Variants in SNW1 observed in about 807,000 individuals in gnomAD.
The protein encoded by SNW1 is SNW domain containing 1, also known as SNW domain-containing protein 1.
A neutral mutation model predicts 75.6 loss-of-function variants in SNW1; 9 were observed. That is an observed-to-expected ratio of 0.12 (90% confidence interval 0.07 to 0.21). The LOEUF (loss-of-function observed/expected upper bound fraction) is 0.21, where lower values mean the gene tolerates loss of function less well. Among genes scored for constraint, SNW1 ranks in the 10% least tolerant of loss-of-function variants. The probability of loss-of-function intolerance (pLI) is 1.00; values close to 1 mark genes in which losing one functional copy is unlikely to be tolerated. For synonymous variants in SNW1, 200 were observed against 219.1 expected (o/e 0.91, Z 0.77); for missense variants, 409 against 670.9 (o/e 0.61, Z 4.31).
At chr14:77,735,116 T>G (rs751134841) in intron 7 of SNW1, 104 bp from the exon 8 acceptor site, 2 of 718,264 alleles carry the variant, frequency 2.8e-6, no homozygotes, top group Non-Finnish European at 2.4e-6. Flanking sequence ...CACTGACATA[T>G]GCACAGCCGT....
chr14:77,745,854 T>C (rs904366808), intron 3 of SNW1, among the ~76,000 whole-genome samples: 1 of 152,070 alleles, frequency 6.6e-6, no homozygotes, highest in Non-Finnish European at 1.5e-5. Flanking sequence ...TGAAACCCTG[T>C]CACTACAAAA....
chr14:77,733,742 C>CAAAAAAAAAAAAA (rs35483765), intron 8 of SNW1, among the ~76,000 whole-genome samples: 1 of 64,850 alleles, frequency 1.5e-5, no homozygotes, highest in Non-Finnish European at 2.7e-5. Context: ...GAGACCGTCT[C>CAAAAAAAAAAAAA]AAAAAAAAAA....
chr14:77,723,862 C>G (rs1321570447), intron 10 of SNW1, among the ~76,000 whole-genome samples: 2 of 152,180 alleles, frequency 1.3e-5, no homozygotes, highest in African/African-American at 4.8e-5. Context: ...CCAAGCTAGT[C>G]TCAAACTCCT....
At chr14:77,749,660 G>A (rs1435339898) in intron 3 of SNW1, among the ~76,000 whole-genome samples, 3 of 152,128 alleles carry the variant, frequency 2.0e-5, no homozygotes, top group Admixed American at 6.5e-5. Flanking sequence ...CCAGCTACTC[G>A]GGGGGCTGAC....
At chr14:77,740,198 A>C (rs2139914909) in intron 3 of SNW1, among the ~76,000 whole-genome samples, 1 of 149,148 alleles carries the variant, frequency 6.7e-6, no homozygotes, top group Non-Finnish European at 1.5e-5. Context: ...TAGGCATTCT[A>C]CCTTTAATGC....
chr14:77,737,411 C>T (rs1048374821), intron 5 of SNW1, among the ~76,000 whole-genome samples: 4 of 152,054 alleles, frequency 2.6e-5, no homozygotes, highest in Non-Finnish European at 4.4e-5. Context: ...AAAAAACACT[C>T]ATAATAATCC....
chr14:77,750,784 G>A (rs1226263936), intron 3 of SNW1, among the ~76,000 whole-genome samples: 2 of 152,064 alleles, frequency 1.3e-5, no homozygotes, highest in African/African-American at 4.8e-5. Context: ...TTCGTAGCAG[G>A]GCCATCCTAA....
intron 1 of SNW1, among the ~76,000 whole-genome samples, chr14:77,759,897 TGCTTGAG>T (rs2080873095): frequency 6.6e-6 from 1 of 151,772 alleles, no homozygotes; most frequent in Non-Finnish European, 1.5e-5. Flanking sequence ...ACAGGAGGAC[TGCTTGAG>T]GCCAAGAATT....
chr14:77,719,246 C>G (rs2139888724), intron 12 of SNW1, among the ~76,000 whole-genome samples: 1 of 152,168 alleles, frequency 6.6e-6, no homozygotes, highest in Non-Finnish European at 1.5e-5. Flanking sequence ...GCTTAAGCTT[C>G]TAACAGGTGA....
chr14:77,741,116 AAAG>A (rs1157866000), intron 3 of SNW1, among the ~76,000 whole-genome samples: 3 of 151,656 alleles, frequency 2.0e-5, no homozygotes, highest in Non-Finnish European at 4.4e-5. Flanking sequence ...AAAAAAAAAA[AAAG>A]TGTCTCCTGT....
chr14:77,738,620 G>C, intron 5 of SNW1, 158 bp downstream of exon 5: 1 of 620,028 alleles, frequency 1.6e-6, no homozygotes, highest in Non-Finnish European at 2.8e-6. Flanking sequence ...AAAAAATTCT[G>C]CTTTCAATTG....
At chr14:77,741,742 G>GA (rs71452872) in intron 3 of SNW1, among the ~76,000 whole-genome samples, 1,920 of 151,938 alleles carry the variant, frequency 0.013, 36 homozygotes, top group African/African-American at 0.041. Context: ...AACAACACAA[G>GA]AAAAAAATAC....
intron 1 of SNW1, 104 bp downstream of exon 1, chr14:77,761,010 C>T (rs1342528032): frequency 1.2e-6 from 2 of 1,613,586 alleles, no homozygotes; most frequent in African/African-American, 2.7e-5. Flanking sequence ...CCACGTCATT[C>T]TGTGCCCCGG....
intron 3 of SNW1, among the ~76,000 whole-genome samples, chr14:77,743,290 T>C (rs1434136199): frequency 6.6e-6 from 1 of 152,052 alleles, no homozygotes; most frequent in African/African-American, 2.4e-5. Context: ...TGTATCAAGA[T>C]TTACACTAAA....
chr14:77,722,473 CAAT>C (rs1406727407), intron 11 of SNW1: 2 of 454,568 alleles, frequency 4.4e-6, no homozygotes, highest in Non-Finnish European at 8.8e-6. Flanking sequence ...AAAATGATCT[CAAT>C]AAAAGCATGA....
At chr14:77,754,863 C>T in intron 2 of SNW1, 104 bp downstream of exon 2, 1 of 1,022,656 alleles carries the variant, frequency 9.8e-7, no homozygotes, top group South Asian at 1.8e-5. Flanking sequence ...TTCTATCACA[C>T]TGACATTCAT....
chr14:77,733,034 A>G (rs896708496), intron 8 of SNW1, among the ~76,000 whole-genome samples: 1 of 152,228 alleles, frequency 6.6e-6, no homozygotes, highest in African/African-American at 2.4e-5. Context: ...ATCTTTCTTC[A>G]CAATGATGCA....
intron 3 of SNW1, among the ~76,000 whole-genome samples, chr14:77,750,890 G>C (rs1367922816): frequency 2.6e-5 from 4 of 152,112 alleles, no homozygotes; most frequent in African/African-American, 9.7e-5. Flanking sequence ...ACTTGTAATA[G>C]AGTACATGTA....
chr14:77,730,812 C>T, intron 10 of SNW1, 176 bp downstream of exon 10: 9 of 621,920 alleles, frequency 1.4e-5, no homozygotes, highest in African/African-American at 3.8e-5. Flanking sequence ...TTTTTCTTAT[C>T]TCCTGTTGCT....
Sources: gnomAD v4.1 joint callset for allele counts (sites outside exome capture counted in the v4.1 genomes callset) on GRCh38, gnomAD v4.1.1 for gene constraint, MANE v1.5 for transcripts, NCBI Gene and HGNC (gene_info 2026-07-23, HGNC 2026-07-21) for gene names.